Variants in MACROD2 observed in about 807,000 individuals in gnomAD.
MACROD2 encodes the protein mono-ADP ribosylhydrolase 2, also known as ADP-ribose glycohydrolase MACROD2.
Under a neutral mutation model 70.4 loss-of-function variants are expected in MACROD2, and 36 were observed. The ratio of observed to expected loss-of-function variants is 0.51; its 90% CI spans 0.39 to 0.68. The LOEUF (loss-of-function observed/expected upper bound fraction) is 0.68, where lower values mean the gene tolerates loss of function less well. Ranked by LOEUF, MACROD2 falls within the 30% of genes least tolerant of loss-of-function variation. The probability of loss-of-function intolerance (pLI) is 0.00; values close to 1 mark genes in which losing one functional copy is unlikely to be tolerated. For missense variants in MACROD2, 496 were observed against 538.4 expected (o/e 0.92, Z 0.78); for synonymous variants, 172 against 178.8 (o/e 0.96, Z 0.30).
chr20:14,268,577 T>C (rs1270376001), intron 3 of MACROD2, among the ~76,000 whole-genome samples: 1 of 152,136 alleles, frequency 6.6e-6, no homozygotes, highest in Non-Finnish European at 1.5e-5. Context: ...GGTATATATT[T>C]CATAGGTTAT....
chr20:15,456,556 G>A (rs1393528081), intron 7 of MACROD2, among the ~76,000 whole-genome samples: 1 of 127,070 alleles, frequency 7.9e-6, no homozygotes, highest in Admixed American at 8.5e-5. Context: ...AAAATTAAGT[G>A]CTTCTGGTGT....
In MACROD2 at chr20:15,533,342, G is replaced by A. The variant is rs529305516; in HGVS notation, c.645+33495G>A. Among the ~76,000 whole-genome samples the A allele has an allele frequency of 3.9e-5, 6 of 152,272 alleles. No individual in the cohort carries two copies. In the South Asian group the frequency reaches 1.2e-3, roughly 32 times the overall value. On this transcript the variant is annotated intron_variant, in intron 8 of 17. Coordinates refer to ENST00000684519, the MANE Select transcript of MACROD2 (RefSeq NM_001351661.2). ...AGGTAAAAAGAAATGTACATAGATC[G>A]TGATAATTTTAGGCATTAGGACAGT...
intron 3 of MACROD2, among the ~76,000 whole-genome samples, chr20:14,204,236 C>T (rs2081504381): frequency 6.6e-6 from 1 of 152,158 alleles, no homozygotes; most frequent in Non-Finnish European, 1.5e-5. Flanking sequence ...CAGGGGCAGG[C>T]TCCCTGGTGT....
At chr20:15,189,599 C>A (rs189571435) in intron 5 of MACROD2, among the ~76,000 whole-genome samples, 2 of 152,126 alleles carry the variant, frequency 1.3e-5, no homozygotes, top group East Asian at 3.9e-4. Context: ...CTAGTGTGTC[C>A]CTCCTTTTTG....
intron 5 of MACROD2, among the ~76,000 whole-genome samples, chr20:14,882,795 A>C (rs1413907003): frequency 6.6e-6 from 1 of 152,062 alleles, no homozygotes; most frequent in Non-Finnish European, 1.5e-5. Flanking sequence ...ATTTTTTTTA[A>C]AAATAAAGTT....
chr20:15,648,842 A>G (rs576316065), intron 8 of MACROD2, among the ~76,000 whole-genome samples: 1 of 152,246 alleles, frequency 6.6e-6, no homozygotes, highest in East Asian at 1.9e-4. Context: ...AGGATGTCCT[A>G]AACAGATTAG....
intron 7 of MACROD2, among the ~76,000 whole-genome samples, chr20:15,488,398 C>T (rs539496946): frequency 4.6e-5 from 7 of 152,180 alleles, no homozygotes; most frequent in South Asian, 2.1e-4. Context: ...GCTTTGAGCC[C>T]GAAGGTGGAA....
intron 7 of MACROD2, among the ~76,000 whole-genome samples, chr20:15,479,960 A>G (rs2047074761): frequency 6.6e-6 from 1 of 152,262 alleles, no homozygotes; most frequent in Non-Finnish European, 1.5e-5. Flanking sequence ...TGGCTAAAAT[A>G]TTTGAAAATA....
intron 2 of MACROD2, among the ~76,000 whole-genome samples, chr20:14,016,586 A>G (rs1476972030): frequency 6.6e-6 from 1 of 152,078 alleles, no homozygotes; most frequent in Non-Finnish European, 1.5e-5. Flanking sequence ...TGTATATGGT[A>G]TAAAGATCCT....
chr20:15,661,650 C>A (rs2146817342), intron 8 of MACROD2, among the ~76,000 whole-genome samples: 1 of 152,218 alleles, frequency 6.6e-6, no homozygotes, highest in South Asian at 2.1e-4. Flanking sequence ...AACAAACAAA[C>A]CATATCAAAA....
chr20:14,042,020 A>G (rs1470756547), intron 2 of MACROD2, among the ~76,000 whole-genome samples: 1 of 152,188 alleles, frequency 6.6e-6, no homozygotes, highest in Non-Finnish European at 1.5e-5. Flanking sequence ...AAAAATTAAC[A>G]GTGTAAAAGA....
At chr20:15,164,004 G>C (rs2076365859) in intron 5 of MACROD2, among the ~76,000 whole-genome samples, 1 of 151,904 alleles carries the variant, frequency 6.6e-6, no homozygotes, top group South Asian at 2.1e-4. Flanking sequence ...AAAAAGTAAA[G>C]TAAATAAATA....
intron 3 of MACROD2, among the ~76,000 whole-genome samples, chr20:14,304,587 T>C (rs915937754): frequency 6.6e-6 from 1 of 152,162 alleles, no homozygotes; most frequent in African/African-American, 2.4e-5. Flanking sequence ...TTTAATTCCT[T>C]CTTGCTTCAG....
intron 8 of MACROD2, among the ~76,000 whole-genome samples, chr20:15,776,918 C>T (rs559454984): frequency 6.4e-4 from 97 of 152,162 alleles, no homozygotes; most frequent in Non-Finnish European, 1.2e-3. Flanking sequence ...ACTATAAGTA[C>T]TTAGCATTGC....
chr20:15,918,241 T>C (rs1240335764), intron 10 of MACROD2, among the ~76,000 whole-genome samples: 2 of 152,216 alleles, frequency 1.3e-5, no homozygotes, highest in East Asian at 3.8e-4. Context: ...AAGGGTCATA[T>C]TTTATTTTGG....
At chr20:14,489,391 G>C (rs1437571389) in intron 3 of MACROD2, among the ~76,000 whole-genome samples, 1 of 152,108 alleles carries the variant, frequency 6.6e-6, no homozygotes, top group African/African-American at 2.4e-5. Flanking sequence ...CATGTGCTTG[G>C]GATTTTAATT....
chr20:15,888,050 G>A (rs2064844106), intron 10 of MACROD2, among the ~76,000 whole-genome samples: 1 of 151,990 alleles, frequency 6.6e-6, no homozygotes, highest in South Asian at 2.1e-4. Context: ...ACCCAGTATT[G>A]GCTGCTTTCC....
chr20:14,245,000 C>G (rs918384668), intron 3 of MACROD2, among the ~76,000 whole-genome samples: 6 of 152,142 alleles, frequency 3.9e-5, no homozygotes, highest in Non-Finnish European at 5.9e-5. Flanking sequence ...ATATATTATT[C>G]TTTCATGGGT....
intron 12 of MACROD2, among the ~76,000 whole-genome samples, chr20:15,957,136 G>A (rs948717906): frequency 1.3e-5 from 2 of 152,102 alleles, no homozygotes; most frequent in Non-Finnish European, 1.5e-5. Context: ...TTAGAGTGAG[G>A]GTAGTGGCTG....
Sources: allele counts gnomAD v4.1 joint callset (sites outside exome capture counted in the v4.1 genomes callset), GRCh38; gene constraint gnomAD v4.1.1; transcripts MANE v1.5; gene names NCBI Gene and HGNC (gene_info 2026-07-23, HGNC 2026-07-21).